The following RPS6KA5 variants were observed in gnomAD, a reference collection of about 807,000 sequenced individuals.
RPS6KA5 encodes ribosomal protein S6 kinase A5.
A neutral mutation model predicts 85.5 loss-of-function variants in RPS6KA5; 27 were observed. The ratio of observed to expected loss-of-function variants is 0.32; its 90% confidence interval spans 0.23 to 0.44. The LOEUF (loss-of-function observed/expected upper bound fraction) is 0.44, where lower values mean the gene tolerates loss of function less well. RPS6KA5 is among the 20% of genes least tolerant of loss of function. RPS6KA5 has a pLI of 1.00. For synonymous variants in RPS6KA5, 334 were observed against 348.2 expected (o/e 0.96, Z 0.46); for missense variants, 811 against 980.9 (o/e 0.83, Z 2.31).
chr14:90,894,163 C>T (rs190520019), intron 13 of RPS6KA5: 2 of 1,121,664 alleles, frequency 1.8e-6, no homozygotes, highest in East Asian at 4.6e-5. Flanking sequence ...AGTATTTTTT[C>T]CATAAAAGGT....
intron 13 of RPS6KA5, chr14:90,894,136 C>A: frequency 3.8e-6 from 4 of 1,062,956 alleles, no homozygotes; most frequent in Non-Finnish European, 4.6e-6. Context: ...TATTTTTAGT[C>A]CACAACTGTT....
intron 14 of RPS6KA5, among the ~76,000 whole-genome samples, chr14:90,889,328 T>C (rs1454409865): frequency 7.0e-6 from 1 of 142,318 alleles, no homozygotes; most frequent in Non-Finnish European, 1.5e-5. Context: ...GAGTAATTCA[T>C]AAAAGAGAAA....
rs2032601507 is a variant in RPS6KA5, at chr14:90,862,425, C to T, written c.*9649G>A. The T allele has an allele frequency of 6.9e-6, 1 of 144,920 alleles. No homozygotes were observed. The highest frequency in any genetic ancestry group is 2.1e-4 in the East Asian group (1 of 4,798). 9.0% of individuals were successfully genotyped at this position (144,920 alleles called of 1,614,324 possible). On this transcript the variant is annotated 3_prime_UTR_variant, in exon 17 of 17. Transcript: ENST00000614987. Reference sequence around the variant, plus strand: ...AAGACAGAAAAATTACAGGTCTGTCCTTCTTCTTCCTCCTCCTCCTCCTCC... The same window carrying T: ...AAGACAGAAAAATTACAGGTCTGTCTTTCTTCTTCCTCCTCCTCCTCCTCC...
intron 7 of RPS6KA5, among the ~76,000 whole-genome samples, chr14:90,911,815 G>A (rs891422007): frequency 2.0e-5 from 3 of 152,092 alleles, no homozygotes; most frequent in African/African-American, 2.4e-5. Flanking sequence ...ATGTCTCTGC[G>A]TGTTATTATT....
At chr14:90,898,312 GAT>G (rs2034957259) in intron 12 of RPS6KA5, among the ~76,000 whole-genome samples, 1 of 152,144 alleles carries the variant, frequency 6.6e-6, no homozygotes, top group Non-Finnish European at 1.5e-5. Flanking sequence ...GACCACACAA[GAT>G]ATGTGATAAT....
intron 1 of RPS6KA5, among the ~76,000 whole-genome samples, chr14:91,059,785 C>T (rs1042233834): frequency 1.3e-5 from 2 of 152,250 alleles, no homozygotes; most frequent in South Asian, 2.1e-4. Flanking sequence ...CCGGCGATTC[C>T]TGTTCCTGTC....
At chr14:91,047,536 T>C (rs1329797228) in intron 1 of RPS6KA5, among the ~76,000 whole-genome samples, 2 of 152,214 alleles carry the variant, frequency 1.3e-5, no homozygotes, top group African/African-American at 4.8e-5. Flanking sequence ...AAACAGTTGT[T>C]TAAATAACTG....
rs1291294393 is a variant in RPS6KA5 at position 90,896,231 on chromosome 14, TA to T, written c.1474-1649del. Among the ~76,000 whole-genome samples, 4 of 152,322 alleles carry T rather than the reference TA, an allele frequency of 2.6e-5. No homozygotes were observed. In the East Asian group the frequency reaches 7.7e-4, roughly 29 times the overall value. On this transcript the variant is annotated intron_variant, in intron 12 of 16. Transcript: ENST00000614987. ...GCTACAACTGTAGGCTGGTGAGCTT[TA>T]AAAAAGATGTAAGGCAATACTTGCA... is the stretch of plus-strand genomic sequence containing the variant.
intron 1 of RPS6KA5, among the ~76,000 whole-genome samples, chr14:91,044,344 A>G (rs1334169625): frequency 2.7e-5 from 1 of 37,380 alleles, no homozygotes; most frequent in Admixed American, 2.6e-4. Context: ...ATAGACAAAG[A>G]AAGAAAGAAA....
chr14:90,873,026 G>A (rs566651382), intron 16 of RPS6KA5, among the ~76,000 whole-genome samples: 12 of 152,298 alleles, frequency 7.9e-5, no homozygotes, highest in African/African-American at 2.9e-4. Context: ...TGCTGCTGAA[G>A]AAGCACTATC....
At chr14:90,959,774 C>T (rs2038702720) in intron 3 of RPS6KA5, among the ~76,000 whole-genome samples, 1 of 152,114 alleles carries the variant, frequency 6.6e-6, no homozygotes, top group Non-Finnish European at 1.5e-5. Flanking sequence ...ATATGTAGGC[C>T]TACATGCATT....
intron 14 of RPS6KA5, among the ~76,000 whole-genome samples, chr14:90,884,296 C>A (rs1434711643): frequency 6.6e-6 from 1 of 152,148 alleles, no homozygotes; most frequent in Non-Finnish European, 1.5e-5. Context: ...TTGAGCATCC[C>A]TAACTTGTAA....
intron 4 of RPS6KA5, 138 bp from the exon 5 acceptor site, chr14:90,943,323 G>A: frequency 3.5e-6 from 2 of 572,100 alleles, no homozygotes; most frequent in Non-Finnish European, 6.2e-6. Context: ...GGCTCTTGGT[G>A]ATTGGTCAGG....
intron 2 of RPS6KA5, among the ~76,000 whole-genome samples, chr14:90,981,565 G>A (rs931420592): frequency 1.3e-5 from 2 of 152,066 alleles, no homozygotes; most frequent in East Asian, 1.9e-4. Flanking sequence ...CAAATAATAC[G>A]CAATCATCCT....
intron 1 of RPS6KA5, among the ~76,000 whole-genome samples, chr14:91,028,236 G>T (rs1049636875): frequency 6.6e-6 from 1 of 151,840 alleles, no homozygotes; most frequent in Non-Finnish European, 1.5e-5. Context: ...AAATTTACAT[G>T]ATTTTTTTTT....
At chr14:91,034,043 T>A (rs2042299171) in intron 1 of RPS6KA5, among the ~76,000 whole-genome samples, 1 of 152,142 alleles carries the variant, frequency 6.6e-6, no homozygotes, top group Admixed American at 6.5e-5. Context: ...CAGTGGTTCA[T>A]GCCTGTATTC....
chr14:90,885,000 C>A (rs924253146), intron 14 of RPS6KA5, among the ~76,000 whole-genome samples: 4 of 152,120 alleles, frequency 2.6e-5, no homozygotes, highest in African/African-American at 9.7e-5. Flanking sequence ...CACCTGCAAT[C>A]CCAGAACTTT....
Position 90,895,949 on chromosome 14 carries a change from A to T in RPS6KA5, c.1474-1366T>A, listed in dbSNP as rs560102413. Among the ~76,000 whole-genome samples, 5 of 152,342 alleles carry T rather than the reference A, an allele frequency of 3.3e-5. No homozygotes were observed. In the South Asian group the frequency reaches 1.0e-3, roughly 32 times the overall value. On this transcript the variant is annotated intron_variant, in intron 12 of 16. Coordinates refer to ENST00000614987, the MANE Select transcript of RPS6KA5 (RefSeq NM_004755.4). ...ATGAACACAAATGGTTTAGAAAAAG[A>T]TATCATGGCAATATACTGAATTCAG...
intron 5 of RPS6KA5, among the ~76,000 whole-genome samples, chr14:90,942,809 C>G (rs1046552128): frequency 1.3e-5 from 2 of 152,162 alleles, no homozygotes; most frequent in Non-Finnish European, 2.9e-5. Context: ...TTATATTTTA[C>G]ATATTTTATG....
Sources: allele counts gnomAD v4.1 joint callset (sites outside exome capture counted in the v4.1 genomes callset), GRCh38; gene constraint gnomAD v4.1.1; transcripts MANE v1.5; gene names NCBI Gene and HGNC (gene_info 2026-07-23, HGNC 2026-07-21).